HOXD3: variants seen among roughly 807,000 people sequenced by gnomAD.
HOXD3 encodes homeobox D3, also known as homeobox protein Hox-D3.
A neutral mutation model predicts 32.8 loss-of-function variants in HOXD3; 13 were observed. The ratio of observed to expected loss-of-function variants is 0.40; its 90% confidence interval spans 0.26 to 0.63. HOXD3 has a LOEUF of 0.63. HOXD3 is among the 20% of genes least tolerant of loss of function. HOXD3 has a pLI of 0.44. For missense variants in HOXD3, 504 were observed against 577.1 expected (o/e 0.87, Z 1.30); for synonymous variants, 241 against 246.8 (o/e 0.98, Z 0.22).
chr2:176,156,729 GCTTCTTTACATCTTGGC>G (rs553591847), upstream of HOXD3, among the ~76,000 whole-genome samples: 1 of 152,240 alleles, frequency 6.6e-6, no homozygotes, highest in South Asian at 2.1e-4. Context: ...TACCGCAAGG[GCTTCTTTACATCTTGGC>G]CTCGCCTTGA....
chr2:176,157,118 G>T (rs896096100), upstream of HOXD3, among the ~76,000 whole-genome samples: 12 of 152,154 alleles, frequency 7.9e-5, no homozygotes, highest in African/African-American at 2.9e-4. Context: ...CCGCCTGCCC[G>T]CCATGTTGGG....
Position 176,171,807 on chromosome 2 carries a change from G to T in HOXD3, c.832G>T (p.Gly278Cys), listed in dbSNP as rs1416725373. The change falls in exon 4 of 4, where the codon GGC becomes TGC. Residue 278 changes from glycine (G) to cysteine (C), a missense_variant. This residue lies in a region of HOXD3 where 226 missense variants were observed against 246.9 expected (regional missense o/e 0.92). Coordinates refer to ENST00000683222, the MANE Select transcript of HOXD3 (RefSeq NM_006898.5). ...ERSPPLGGAA[G>C]HVAYSGQLPP... is the part of the protein sequence containing the mutation. The stretch of plus-strand genomic sequence containing the variant: ...CAGCCCACCGCTCGGCGGCGCCGCT[G>T]GCCACGTGGCCTACTCCGGCCAGCT... 6.2e-7 allele frequency: 1 copy of T among 1,612,076 alleles called. No homozygotes were observed. The highest frequency in any genetic ancestry group is 2.2e-5 in the East Asian group (1 of 44,844).
chr2:176,169,171 G>C lies in HOXD3; in HGVS notation c.57G>C (p.Lys19Asn), dbSNP rs749876632. Residue 19 changes from lysine to asparagine, a missense_variant, in exon 3 of 4, where the codon AAG (lysine) becomes AAC (asparagine). Lys to Asn is a moderately conservative substitution (Grantham distance 94). Transcript: ENST00000683222. ...AGCTTCCTGAGTGCACAATGCAGAA[G>C]GCTGCTTACTATGAAAACCCAGGAC... ...ALELPECTMQ[K>N]AAYYENPGLF... The C allele has an allele frequency of 1.2e-6, 2 of 1,614,146 alleles. No individual in the cohort carries two copies. The highest frequency in any genetic ancestry group is 3.3e-5 in the Admixed American group (2 of 60,030).
At chr2:176,163,491 G>A (rs762421043) in intron 1 of HOXD3, among the ~76,000 whole-genome samples, 4 of 152,076 alleles carry the variant, frequency 2.6e-5, no homozygotes, top group Non-Finnish European at 5.9e-5. Flanking sequence ...GAGTGTGGTG[G>A]ATACTTACCG....
At chr2:176,162,699 G>C (rs892495133) in intron 1 of HOXD3, among the ~76,000 whole-genome samples, 1 of 152,072 alleles carries the variant, frequency 6.6e-6, no homozygotes, top group South Asian at 2.1e-4. Context: ...AGCTCAAAGC[G>C]CACCGCGCAC....
upstream of HOXD3, among the ~76,000 whole-genome samples, chr2:176,156,090 G>T (rs140976379): frequency 8.4e-3 from 1,278 of 152,208 alleles, 22 homozygotes; most frequent in African/African-American, 0.03. Flanking sequence ...CTCCTGTTTG[G>T]TGCCTTAACA....
chr2:176,168,975 T>A (rs1691084018), intron 2 of HOXD3, 56 bp from the exon 3 acceptor site: 1 of 1,337,596 alleles, frequency 7.5e-7, no homozygotes, highest in Non-Finnish European at 1.0e-6. Context: ...TCCTTCTATA[T>A]TGACTGGTCT....
chr2:176,153,968 G>A (rs773538260), upstream of HOXD3, among the ~76,000 whole-genome samples: 4 of 151,914 alleles, frequency 2.6e-5, no homozygotes, highest in Non-Finnish European at 4.4e-5. Flanking sequence ...CCCTCATATA[G>A]CAGTGTTTTA....
At chr2:176,161,494 G>A (rs1243464777) in intron 1 of HOXD3, among the ~76,000 whole-genome samples, 1 of 152,198 alleles carries the variant, frequency 6.6e-6, no homozygotes, top group Admixed American at 6.5e-5. Flanking sequence ...AAAGTAAGAT[G>A]GAGCGTCATA....
rs1388262785 is a variant in HOXD3 at position 176,168,269 on chromosome 2, A to AAAAC, written c.-84-759_-84-758insCAAA. 3.9e-3 allele frequency among the ~76,000 whole-genome samples: 585 copies of AAAAC among 150,036 alleles called. 5 individuals are homozygous for AAAAC. The highest frequency in any genetic ancestry group is 0.014 in the African/African-American group (556 of 40,148). ...GTAAGACCCTGTCTCTACAAAAAAA[A>AAAAC]AAAAAAAAAAACTAAGAGCTGGCGC... On this transcript the variant is annotated intron_variant, in intron 2 of 3. Coordinates refer to ENST00000683222, the MANE Select transcript of HOXD3 (RefSeq NM_006898.5).
At chr2:176,158,288 G>T (rs1690692868) in intron 1 of HOXD3, among the ~76,000 whole-genome samples, 1 of 152,250 alleles carries the variant, frequency 6.6e-6, no homozygotes, top group South Asian at 2.1e-4. Context: ...AGTGCGGGCT[G>T]CAGAAGGCTG....
chr2:176,157,412 T>C lies in HOXD3; in HGVS notation c.-221T>C, dbSNP rs1690671715. Among the ~76,000 whole-genome samples, 1 of 152,056 alleles carries C rather than the reference T, an allele frequency of 6.6e-6. No homozygotes were observed. The highest frequency in any genetic ancestry group is 6.5e-5 in the Admixed American group (1 of 15,268). ...GGGGGCCGCGCGGTGCCCCCGGCCC[T>C]CCACCCCCGGCCCCCGGCGGGCGCG... On this transcript the variant is annotated 5_prime_UTR_variant, in exon 1 of 4. Transcript: ENST00000683222.
chr2:176,172,306 T>C lies in HOXD3; in HGVS notation c.*32T>C. On this transcript the variant is annotated 3_prime_UTR_variant, in exon 4 of 4. Coordinates refer to ENST00000683222, the MANE Select transcript of HOXD3 (RefSeq NM_006898.5). ...CCGCCAGCCCGAACTCGCGGCAAAA[T>C]TACCTCTCTTGCTGTAGTGGTGGGG... is the stretch of plus-strand genomic sequence containing the variant. 6.4e-7 allele frequency: 1 copy of C among 1,561,152 alleles called. No individual in the cohort carries two copies. Among genetic ancestry groups the C allele is most frequent in the Non-Finnish European group, 8.6e-7 (1 of 1,157,764 alleles).
At chr2:176,163,052 C>T (rs1056505644) in intron 1 of HOXD3, among the ~76,000 whole-genome samples, 2 of 152,106 alleles carry the variant, frequency 1.3e-5, no homozygotes, top group Admixed American at 6.5e-5. Flanking sequence ...GCTTTTCCCC[C>T]TGGGTCCAGG....
chr2:176,156,712 C>T (rs1690652198), upstream of HOXD3, among the ~76,000 whole-genome samples: 1 of 152,188 alleles, frequency 6.6e-6, no homozygotes, highest in African/African-American at 2.4e-5. Flanking sequence ...GTGCCCTGCA[C>T]TACATTTACC....
upstream of HOXD3, chr2:176,153,046 G>A: frequency 1.7e-6 from 2 of 1,148,304 alleles, no homozygotes; most frequent in East Asian, 2.4e-5. Flanking sequence ...AGGTACTGTG[G>A]GGTGGACCTG....
upstream of HOXD3, among the ~76,000 whole-genome samples, chr2:176,154,438 A>T (rs1337373105): frequency 6.6e-6 from 1 of 152,208 alleles, no homozygotes; most frequent in Non-Finnish European, 1.5e-5. Flanking sequence ...TCAGGCTCCA[A>T]AAAAGGTTGT....
intron 1 of HOXD3, among the ~76,000 whole-genome samples, chr2:176,160,547 G>A (rs1185031363): frequency 1.3e-5 from 2 of 152,240 alleles, no homozygotes; most frequent in African/African-American, 4.8e-5. Flanking sequence ...GCTGCGCTCC[G>A]GGACTGGGTG....
intron 1 of HOXD3, among the ~76,000 whole-genome samples, chr2:176,160,638 C>T (rs1690771359): frequency 6.6e-6 from 1 of 152,220 alleles, no homozygotes; most frequent in Non-Finnish European, 1.5e-5. Context: ...AAGGCAGCGT[C>T]TGTATTTCCC....
Sources: gnomAD v4.1 joint callset for allele counts (sites outside exome capture counted in the v4.1 genomes callset) on GRCh38, gnomAD v4.1.1 for gene constraint, gnomAD v4.1.1 regional missense constraint, MANE v1.5 for transcripts, NCBI Gene and HGNC (gene_info 2026-07-23, HGNC 2026-07-21) for gene names.